The following SLC44A5 variants were observed in gnomAD, a reference collection of about 807,000 sequenced individuals.
The protein encoded by SLC44A5 is solute carrier family 44 member 5.
Under a neutral mutation model 101.8 loss-of-function variants are expected in SLC44A5, and 57 were observed. The observed-to-expected ratio is 0.56, with a 90% CI of 0.45 to 0.70. The LOEUF is 0.70. Ranked by LOEUF, SLC44A5 falls within the 30% of genes least tolerant of loss-of-function variation. SLC44A5 has a pLI of 0.00. For synonymous variants in SLC44A5, 281 were observed against 290.9 expected, an observed-to-expected ratio of 0.97 and a Z score of 0.35; for missense variants, 737 against 853.1, an observed-to-expected ratio of 0.86 and a Z score of 1.70.
intron 1 of SLC44A5, among the ~76,000 whole-genome samples, chr1:75,543,506 G>A (rs190889233): frequency 3.3e-5 from 5 of 151,114 alleles, no homozygotes; most frequent in East Asian, 1.9e-4. Context: ...GTTGCCCCTC[G>A]CAACTGTCAG....
intron 1 of SLC44A5, among the ~76,000 whole-genome samples, chr1:75,573,088 G>A (rs1407007342): frequency 1.8e-5 from 2 of 109,560 alleles, no homozygotes; most frequent in Non-Finnish European, 3.4e-5. Context: ...GCACCACCGC[G>A]CTCCAGCCTG....
the SLC44A5 span, among the ~76,000 whole-genome samples, chr1:75,636,720 A>C: frequency 6.6e-6 from 1 of 152,170 alleles, no homozygotes; most frequent in African/African-American, 2.4e-5. Flanking sequence ...ATGCAAGTAA[A>C]TGTCATGGAA....
the SLC44A5 span, among the ~76,000 whole-genome samples, chr1:75,631,906 A>G: frequency 6.6e-6 from 1 of 152,072 alleles, no homozygotes; most frequent in African/African-American, 2.4e-5. Context: ...AGCTCAAACA[A>G]TCTGCCAGCC....
chr1:75,418,082 A>G (rs1663771716), intron 2 of SLC44A5, among the ~76,000 whole-genome samples: 1 of 152,210 alleles, frequency 6.6e-6, no homozygotes, highest in African/African-American at 2.4e-5. Context: ...GAAATAAAGA[A>G]GCTGTGACAT....
the SLC44A5 span, among the ~76,000 whole-genome samples, chr1:75,697,830 C>T: frequency 6.6e-5 from 10 of 152,296 alleles, no homozygotes; most frequent in Middle Eastern, 6.8e-3. Flanking sequence ...CGAGGCATTG[C>T]CTCACTCAGG....
intron 1 of SLC44A5, among the ~76,000 whole-genome samples, chr1:75,596,485 G>A (rs918374127): frequency 4.7e-4 from 72 of 151,934 alleles, no homozygotes; most frequent in Non-Finnish European, 7.4e-4. Flanking sequence ...CCAAAACCCT[G>A]CAGAAATAAA....
intron 2 of SLC44A5, among the ~76,000 whole-genome samples, chr1:75,480,303 A>G (rs1667754626): frequency 6.6e-6 from 1 of 152,232 alleles, no homozygotes; most frequent in Admixed American, 6.5e-5. Context: ...ATCATACTGA[A>G]TGGGAAAAAA....
In SLC44A5 at chr1:75,537,000, C is replaced by A. The variant is rs539858986; in HGVS notation, c.13+4435G>T. 5.5e-3 allele frequency among the ~76,000 whole-genome samples: 127 copies of A among 22,918 alleles called. 3 individuals carry two copies. Among genetic ancestry groups the A allele is most frequent in the African/African-American group, 0.016 (122 of 7,744 alleles). The allele number at this position is 22,918 out of a possible 152,430, so 15.0% of individuals were successfully genotyped here. A position where few individuals can be genotyped will look rare whatever the true frequency, so the allele number is the denominator to read the frequency against. On this transcript the variant is annotated intron_variant, in intron 2 of 23. Transcript: ENST00000370859. ...CAGCCTGGGCGACAGAGCGAGACTC[C>A]ATCTCAAAAAAAAAAAAAAAAAAAA... is the stretch of plus-strand genomic sequence containing the variant.
At chr1:75,579,730 A>T (rs1673574622) in intron 1 of SLC44A5, among the ~76,000 whole-genome samples, 1 of 152,134 alleles carries the variant, frequency 6.6e-6, no homozygotes, top group Non-Finnish European at 1.5e-5. Flanking sequence ...TAAGGTTTAG[A>T]GAAGACAGAA....
chr1:75,623,587 A>G, the SLC44A5 span, among the ~76,000 whole-genome samples: 267 of 152,242 alleles, frequency 1.8e-3, no homozygotes, highest in Non-Finnish European at 2.9e-3. Flanking sequence ...CTCAAAGGAT[A>G]AGGTTTTTTT....
At position 75,351,706 on chromosome 1, in the gene SLC44A5, A is replaced by G. The variant is rs150260971; in HGVS notation, c.53-12076T>C. 3.6e-3 allele frequency among the ~76,000 whole-genome samples: 548 copies of G among 152,102 alleles called. 3 individuals are homozygous for G. Among genetic ancestry groups the G allele is most frequent in the African/African-American group, 0.013 (533 of 41,520 alleles). On this transcript the variant is annotated intron_variant, in intron 3 of 23. Transcript: ENST00000370859. ...CAAAGATGTTCTTGAGGATGGAACT[A>G]GAGTGGTTGTACTGAGAGTGGTTTA...
intron 23 of SLC44A5, among the ~76,000 whole-genome samples, chr1:75,209,148 G>T (rs1282191976): frequency 1.3e-5 from 2 of 152,182 alleles, no homozygotes; most frequent in Admixed American, 6.5e-5. Flanking sequence ...GAATCAAGCT[G>T]ATGTACCTGG....
intron 3 of SLC44A5, among the ~76,000 whole-genome samples, chr1:75,388,241 A>ATAAAT (rs1661528543): frequency 6.7e-6 from 1 of 149,022 alleles, no homozygotes; most frequent in South Asian, 2.1e-4. Context: ...TAAATCCAAA[A>ATAAAT]AAAAACAGTA....
chr1:75,714,481 C>T, the SLC44A5 span, among the ~76,000 whole-genome samples: 1 of 152,122 alleles, frequency 6.6e-6, no homozygotes, highest in East Asian at 1.9e-4. Context: ...ACTAGAATTC[C>T]TAGCCAGGGC....
intron 4 of SLC44A5, among the ~76,000 whole-genome samples, chr1:75,309,376 A>T (rs1432855961): frequency 6.6e-6 from 1 of 152,230 alleles, no homozygotes; most frequent in East Asian, 1.9e-4. Context: ...GGAGTGAGCT[A>T]TGAATGTGCC....
intron 9 of SLC44A5, 86 bp downstream of exon 9, chr1:75,241,915 G>T: frequency 8.3e-7 from 1 of 1,203,958 alleles, no homozygotes; most frequent in South Asian, 1.2e-5. Flanking sequence ...CTTGGCCTCA[G>T]TCTCATCAAT....
the SLC44A5 span, among the ~76,000 whole-genome samples, chr1:75,682,224 T>C: frequency 6.6e-5 from 10 of 152,202 alleles, no homozygotes; most frequent in African/African-American, 2.2e-4. Flanking sequence ...AAGCTACGAA[T>C]GCCTTTCTTC....
At chr1:75,359,230 CTT>C (rs58243679) in intron 3 of SLC44A5, among the ~76,000 whole-genome samples, 39 of 108,662 alleles carry the variant, frequency 3.6e-4, no homozygotes, top group African/African-American at 1.3e-3. Context: ...ATTTTCTTTT[CTT>C]TTTTTTTTTT....
At chr1:75,311,479 G>C (rs970135465) in intron 4 of SLC44A5, 2 of 806,028 alleles carry the variant, frequency 2.5e-6, no homozygotes, top group African/African-American at 3.7e-5. Context: ...ATTTTGTCCA[G>C]AGTGGTCTCA....
Sources: gnomAD v4.1 joint callset for allele counts (sites outside exome capture counted in the v4.1 genomes callset) on GRCh38, gnomAD v4.1.1 for gene constraint, MANE v1.5 for transcripts, NCBI Gene and HGNC (gene_info 2026-07-23, HGNC 2026-07-21) for gene names.